Variants in SLC25A24 observed in about 807,000 individuals in gnomAD.
SLC25A24 encodes mitochondrial adenyl nucleotide antiporter SLC25A24.
Under a neutral mutation model 60.7 loss-of-function variants are expected in SLC25A24, and 49 were observed. The observed-to-expected ratio is 0.81, with a 90% CI of 0.64 to 1.02. The LOEUF (loss-of-function observed/expected upper bound fraction) is 1.02, where lower values mean the gene tolerates loss of function less well. Ranked by LOEUF, SLC25A24 falls within the 50% of genes least tolerant of loss-of-function variation. SLC25A24 has a pLI of 0.00. For missense variants in SLC25A24, 564 were observed against 586.3 expected, an observed-to-expected ratio of 0.96 and a Z score of 0.39; for synonymous variants, 202 against 200.6, an observed-to-expected ratio of 1.01 and a Z score of -0.06.
chr1:108,139,070 T>G lies in SLC25A24; in HGVS notation c.1237A>C (p.Met413Leu). ...ATCAAAAATTCACCTTGAGCCTGCA[T>G]GCGAGTTCTCACCAAAGCCAATGGG... ...SYPLALVRTRMQAQAMLEGSP... is the reference protein window; with the variant it reads ...SYPLALVRTRLQAQAMLEGSP... The change falls in exon 9 of 10, where the codon ATG becomes CTG. Residue 413 changes from methionine (M) to leucine (L), a missense_variant. Transcript: ENST00000565488. 1 of 1,598,310 alleles carries G rather than the reference T, an allele frequency of 6.3e-7. No individual in the cohort carries two copies. Among genetic ancestry groups the G allele is most frequent in the South Asian group, 1.1e-5 (1 of 87,496 alleles).
chr1:108,161,269 T>A lies in SLC25A24; in HGVS notation c.423A>T (p.Thr141=). 6.3e-7 allele frequency: 1 copy of A among 1,593,486 alleles called. No homozygotes were observed. Among genetic ancestry groups the A allele is most frequent in the Non-Finnish European group, 8.6e-7 (1 of 1,163,152 alleles). Residue 141 remains threonine (T), a synonymous_variant, in exon 4 of 10, where the codon ACA becomes ACT. Transcript: ENST00000565488. ...LQSIDVDGTM[T]VDWNEWRDYF... Reference sequence around the variant, plus strand: ...AGTCTCTCCATTCATTCCAGTCCACTGTCATTGTCCCATCAACATCAATGC... The same window carrying A: ...AGTCTCTCCATTCATTCCAGTCCACAGTCATTGTCCCATCAACATCAATGC...
chr1:108,161,728 T>A (rs1352514978), intron 3 of SLC25A24, among the ~76,000 whole-genome samples: 2 of 152,230 alleles, frequency 1.3e-5, no homozygotes, highest in Non-Finnish European at 2.9e-5. Context: ...TGCTATCAAC[T>A]TCCTCGAAGT....
intron 4 of SLC25A24, 96 bp downstream of exon 4, chr1:108,161,086 T>G: frequency 1.5e-6 from 1 of 652,120 alleles, no homozygotes; most frequent in East Asian, 2.8e-5. Flanking sequence ...GGGACTCAGG[T>G]ATCCTGGCCC....
rs565518077 is a variant in SLC25A24 at position 108,161,787 on chromosome 1, C to T, written c.399-494G>A. Among the ~76,000 whole-genome samples the T allele has an allele frequency of 9.9e-5, 15 of 151,970 alleles. No individual in the cohort carries two copies. In the East Asian group the frequency reaches 1.9e-3, roughly 20 times the overall value. On this transcript the variant is annotated intron_variant, in intron 3 of 9. Coordinates refer to ENST00000565488, the MANE Select transcript of SLC25A24 (RefSeq NM_013386.5). The stretch of plus-strand genomic sequence containing the variant: ...AAAAATCAAACTGTCAGTGACTGTG[C>T]CTTTGAGTCTTTTTTTTTTATTATT...
At chr1:108,145,133 G>A (rs575428282) in intron 7 of SLC25A24, among the ~76,000 whole-genome samples, 13 of 152,220 alleles carry the variant, frequency 8.5e-5, no homozygotes, top group African/African-American at 3.1e-4. Flanking sequence ...GAGATGGTAT[G>A]CCATTGTGGT....
At chr1:108,179,205 C>T (rs1013586028) in intron 3 of SLC25A24, among the ~76,000 whole-genome samples, 1 of 150,204 alleles carries the variant, frequency 6.7e-6, no homozygotes, top group Non-Finnish European at 1.5e-5. Flanking sequence ...TCATACTACA[C>T]TTAGAATGAC....
In SLC25A24 at chr1:108,185,830, T is replaced by C. The variant is rs1648105887; in HGVS notation, c.308A>G (p.Asp103Gly). ...ATAAATACAAAAGAAAGACACACCA[T>C]CATTATTTTTGTCTAAACTCTTAAA... The part of the protein sequence containing the change: ...LAFKSLDKNN[D>G]GKIEASEIVQ... Residue 103 changes from aspartate (D) to glycine (G), a missense_variant and splice_region_variant, in exon 2 of 10, where the codon GAT (aspartate) becomes GGT (glycine). Coordinates refer to ENST00000565488, the MANE Select transcript of SLC25A24 (RefSeq NM_013386.5). 5 of 1,585,322 alleles carry C rather than the reference T, an allele frequency of 3.2e-6. No homozygotes were observed. The highest frequency in any genetic ancestry group is 2.3e-5 in the East Asian group (1 of 44,384).
At chr1:108,182,169 G>C in intron 2 of SLC25A24, 141 bp from the exon 3 acceptor site, 1 of 559,398 alleles carries the variant, frequency 1.8e-6, no homozygotes. Flanking sequence ...TTATAGACTT[G>C]CTTAAATGCC....
rs1259354761 is a variant in SLC25A24 at position 108,134,121 on chromosome 1, C to T, written c.*2532G>A. 1 of 152,178 alleles carries T rather than the reference C, an allele frequency of 6.6e-6. No individual in the cohort carries two copies. Among genetic ancestry groups the T allele is most frequent in the African/African-American group, 2.4e-5 (1 of 41,442 alleles). 9.4% of individuals were successfully genotyped at this position (152,178 alleles called of 1,614,324 possible). A position where few individuals can be genotyped will look rare whatever the true frequency, so the allele number is the denominator to read the frequency against. On this transcript the variant is annotated 3_prime_UTR_variant, in exon 10 of 10. Transcript: ENST00000565488. ...AACAAATATGGCAGCATTTTTCTAA[C>T]AAAGATTCCCTGAGAACAGAGGAGC...
chr1:108,173,461 C>T (rs937114642), intron 3 of SLC25A24, among the ~76,000 whole-genome samples: 12 of 152,150 alleles, frequency 7.9e-5, no homozygotes, highest in South Asian at 2.1e-4. Flanking sequence ...TCCCCAGCCA[C>T]GCGAAACTGT....
intron 8 of SLC25A24, among the ~76,000 whole-genome samples, chr1:108,142,793 T>C (rs1263773172): frequency 6.6e-6 from 1 of 152,120 alleles, no homozygotes; most frequent in African/African-American, 2.4e-5. Flanking sequence ...TTTTTAAAAA[T>C]TATGTAAGAA....
At chr1:108,168,968 T>C (rs1208135888) in intron 3 of SLC25A24, among the ~76,000 whole-genome samples, 2 of 152,220 alleles carry the variant, frequency 1.3e-5, no homozygotes, top group African/African-American at 4.8e-5. Flanking sequence ...GCTGTTATAG[T>C]TTAACTTTCA....
intron 6 of SLC25A24, among the ~76,000 whole-genome samples, chr1:108,149,608 A>G (rs1679702329): frequency 6.6e-6 from 1 of 152,236 alleles, no homozygotes; most frequent in African/African-American, 2.4e-5. Flanking sequence ...CTGCCCAAAC[A>G]TAGACCATGG....
chr1:108,165,316 G>A (rs1217894863), intron 3 of SLC25A24, among the ~76,000 whole-genome samples: 8 of 152,144 alleles, frequency 5.3e-5, no homozygotes, highest in Non-Finnish European at 1.2e-4. Context: ...GGTCTGCTTG[G>A]TGCAGAGCTG....
chr1:108,149,669 C>T (rs1015792182), intron 6 of SLC25A24, among the ~76,000 whole-genome samples: 6 of 152,100 alleles, frequency 3.9e-5, no homozygotes, highest in African/African-American at 1.4e-4. Flanking sequence ...GAGGGGGTCT[C>T]CAGAGGTAAG....
intron 1 of SLC25A24, among the ~76,000 whole-genome samples, chr1:108,186,870 G>A (rs7523087): frequency 0.032 from 4,803 of 152,130 alleles, 257 homozygotes; most frequent in African/African-American, 0.11. Context: ...CTGAGGTCGG[G>A]AGTTCAAGAC....
intron 3 of SLC25A24, 66 bp downstream of exon 3, chr1:108,181,874 CA>C (rs1207402921): frequency 2.6e-6 from 3 of 1,171,692 alleles, no homozygotes; most frequent in East Asian, 4.7e-5. Context: ...GCCACACTTA[CA>C]AACACAGAGT....
intron 3 of SLC25A24, among the ~76,000 whole-genome samples, chr1:108,167,032 C>T (rs1680275226): frequency 6.6e-6 from 1 of 150,390 alleles, no homozygotes; most frequent in Non-Finnish European, 1.5e-5. Flanking sequence ...AGCTGCAGGT[C>T]TGTTGGAGTA....
chr1:108,179,501 C>T lies in SLC25A24; in HGVS notation c.398+2440G>A, dbSNP rs1042567944. Among the ~76,000 whole-genome samples the T allele has an allele frequency of 3.9e-5, 6 of 152,054 alleles. No homozygotes were observed. In the East Asian group the frequency reaches 9.7e-4, roughly 24 times the overall value. On this transcript the variant is annotated intron_variant, in intron 3 of 9. Transcript: ENST00000565488. ...AGCACTATTCACGATAGCCAAGATA[C>T]GGAATCAACCTAAGTGTCCACCAAT...
Sources: allele counts gnomAD v4.1 joint callset (sites outside exome capture counted in the v4.1 genomes callset), GRCh38; gene constraint gnomAD v4.1.1; transcripts MANE v1.5; gene names NCBI Gene and HGNC (gene_info 2026-07-23, HGNC 2026-07-21).